GUCY1A2: variants seen among roughly 807,000 people sequenced by gnomAD.
GUCY1A2 encodes guanylate cyclase soluble subunit alpha-2.
Under a neutral mutation model 63.5 loss-of-function variants are expected in GUCY1A2, and 27 were observed. That is an observed-to-expected ratio of 0.43 (90% CI 0.31 to 0.59). GUCY1A2 has a LOEUF of 0.59. Ranked by LOEUF, GUCY1A2 falls within the 20% of genes least tolerant of loss-of-function variation. The pLI is 0.11. For synonymous variants in GUCY1A2, 364 were observed against 343.5 expected (o/e 1.06, Z -0.66); for missense variants, 768 against 913.3 (o/e 0.84, Z 2.05).
chr11:106,719,353 TTAAA>T (rs1015984557), intron 6 of GUCY1A2, among the ~76,000 whole-genome samples: 3 of 151,958 alleles, frequency 2.0e-5, no homozygotes, highest in African/African-American at 7.2e-5. Flanking sequence ...TTAAAAAACT[TTAAA>T]TATGTAGAAA....
chr11:106,950,597 G>A (rs1464110580), intron 3 of GUCY1A2, among the ~76,000 whole-genome samples: 5 of 152,132 alleles, frequency 3.3e-5, no homozygotes, highest in Admixed American at 3.3e-4. Context: ...GAAGGTGGGG[G>A]AGGGGATTAC....
chr11:106,895,510 T>C (rs535793778), intron 4 of GUCY1A2, among the ~76,000 whole-genome samples: 5 of 152,262 alleles, frequency 3.3e-5, no homozygotes, highest in East Asian at 3.9e-4. Flanking sequence ...GTTCTCATGA[T>C]AGTAAGTCTT....
intron 4 of GUCY1A2, among the ~76,000 whole-genome samples, chr11:106,869,944 A>G (rs1212865394): frequency 6.6e-6 from 1 of 152,176 alleles, no homozygotes; most frequent in Non-Finnish European, 1.5e-5. Context: ...GGATGAGTTC[A>G]TGTCCTTTGT....
chr11:106,916,719 C>T (rs1169428857), intron 4 of GUCY1A2, among the ~76,000 whole-genome samples: 1 of 145,480 alleles, frequency 6.9e-6, no homozygotes, highest in Non-Finnish European at 1.5e-5. Flanking sequence ...TTTTTATCTA[C>T]TGCTAAGTAA....
chr11:106,721,703 A>C (rs1292181554), intron 6 of GUCY1A2, among the ~76,000 whole-genome samples: 1 of 152,220 alleles, frequency 6.6e-6, no homozygotes, highest in Non-Finnish European at 1.5e-5. Context: ...GGGGTTAATT[A>C]TGAAAACGAA....
chr11:106,759,734 G>A (rs1304857345), intron 6 of GUCY1A2, among the ~76,000 whole-genome samples: 1 of 152,176 alleles, frequency 6.6e-6, no homozygotes, highest in Non-Finnish European at 1.5e-5. Flanking sequence ...AGGAGTTCGA[G>A]ACCAGCCTGC....
intron 3 of GUCY1A2, among the ~76,000 whole-genome samples, chr11:106,942,018 C>A (rs1040672053): frequency 6.6e-6 from 1 of 152,148 alleles, no homozygotes; most frequent in Non-Finnish European, 1.5e-5. Context: ...CATTCACTAA[C>A]AATAATGTCA....
At chr11:106,844,893 T>C (rs1272331770) in intron 4 of GUCY1A2, among the ~76,000 whole-genome samples, 1 of 151,706 alleles carries the variant, frequency 6.6e-6, no homozygotes, top group Non-Finnish European at 1.5e-5. Context: ...TCTCACAAAT[T>C]AGTGAACTTT....
intron 4 of GUCY1A2, among the ~76,000 whole-genome samples, chr11:106,822,430 G>A (rs1444350017): frequency 6.6e-6 from 1 of 152,120 alleles, no homozygotes; most frequent in East Asian, 1.9e-4. Flanking sequence ...ATTGTGTGTT[G>A]CTGTGGTTTG....
At chr11:106,691,999 G>C (rs1862633775) in intron 7 of GUCY1A2, among the ~76,000 whole-genome samples, 1 of 152,092 alleles carries the variant, frequency 6.6e-6, no homozygotes, top group South Asian at 2.1e-4. Flanking sequence ...GCCTGTTGAT[G>C]ATATGAGTCA....
intron 4 of GUCY1A2, among the ~76,000 whole-genome samples, chr11:106,812,287 A>T (rs1247618260): frequency 6.6e-6 from 1 of 151,862 alleles, no homozygotes; most frequent in Non-Finnish European, 1.5e-5. Context: ...TTAAACTTCT[A>T]TGTAGTCTCT....
intron 6 of GUCY1A2, among the ~76,000 whole-genome samples, chr11:106,721,535 C>G (rs1360767767): frequency 1.3e-5 from 2 of 152,178 alleles, no homozygotes; most frequent in Non-Finnish European, 2.9e-5. Flanking sequence ...ACCCCATACT[C>G]TAATCTTCTG....
intron 4 of GUCY1A2, among the ~76,000 whole-genome samples, chr11:106,848,667 T>C (rs753811312): frequency 6.6e-6 from 1 of 151,632 alleles, no homozygotes; most frequent in Non-Finnish European, 1.5e-5. Flanking sequence ...TCATATAATT[T>C]GTACACTGGC....
intron 6 of GUCY1A2, among the ~76,000 whole-genome samples, chr11:106,755,653 G>T (rs905681557): frequency 6.6e-6 from 1 of 152,080 alleles, no homozygotes; most frequent in Admixed American, 6.5e-5. Context: ...GTAGTTGTGC[G>T]GTTTTGAGTG....
intron 6 of GUCY1A2, among the ~76,000 whole-genome samples, chr11:106,736,030 T>A (rs1484586578): frequency 6.6e-6 from 1 of 152,196 alleles, no homozygotes; most frequent in Admixed American, 6.6e-5. Context: ...TTCTGGTTTT[T>A]AATCCCTTGT....
intron 4 of GUCY1A2, among the ~76,000 whole-genome samples, chr11:106,833,626 C>T (rs1161420644): frequency 6.6e-6 from 1 of 151,978 alleles, no homozygotes; most frequent in Non-Finnish European, 1.5e-5. Flanking sequence ...CTACATGTTC[C>T]TTGCTATGTT....
Position 106,856,175 on chromosome 11 carries a change from A to G in GUCY1A2, c.1207-45697T>C, listed in dbSNP as rs557956515. On this transcript the variant is annotated intron_variant, in intron 4 of 7. Coordinates refer to ENST00000526355, the MANE Select transcript of GUCY1A2 (RefSeq NM_000855.3). ...CATTGTGGTGGGTGCCTATAATCCC[A>G]GCTACTTGGGAGCCTGATGCAGGAA... Among the ~76,000 whole-genome samples, 107 of 151,722 alleles carry G rather than the reference A, an allele frequency of 7.1e-4. 1 individual carries two copies. The East Asian group carries it at 0.02, about 28-fold the overall frequency.
In GUCY1A2 at chr11:106,681,895, G is replaced by C. The variant is rs1591227307; in HGVS notation, c.*5654C>G. 1 of 213,692 alleles carries C rather than the reference G, an allele frequency of 4.7e-6. No homozygotes were observed. Among genetic ancestry groups the C allele is most frequent in the Non-Finnish European group, 9.4e-6 (1 of 105,876 alleles). The allele number at this position is 213,692 out of a possible 1,614,324, so 13.2% of individuals were successfully genotyped here. On this transcript the variant is annotated 3_prime_UTR_variant, in exon 8 of 8. Transcript: ENST00000526355. ...TATGAAAAGTACATAGTGAGACTAA[G>C]TATTAAGTTGATGTCTTTTCATGAC... is the stretch of plus-strand genomic sequence containing the variant.
chr11:107,004,092 G>A (rs1030381976), intron 1 of GUCY1A2, among the ~76,000 whole-genome samples: 13 of 152,054 alleles, frequency 8.5e-5, no homozygotes, highest in African/African-American at 2.9e-4. Flanking sequence ...ATATAGAGAG[G>A]ACTAATGATT....
Sources: allele counts gnomAD v4.1 joint callset (sites outside exome capture counted in the v4.1 genomes callset), GRCh38; gene constraint gnomAD v4.1.1; transcripts MANE v1.5; gene names NCBI Gene and HGNC (gene_info 2026-07-23, HGNC 2026-07-21).